Variants in SEC63 observed in about 807,000 individuals in gnomAD.
The protein encoded by SEC63 is translocation protein SEC63 homolog.
In SEC63, 56 loss-of-function variants were observed where a neutral mutation model predicts 116.2. The ratio of observed to expected loss-of-function variants is 0.48; its 90% CI spans 0.39 to 0.60. The LOEUF (loss-of-function observed/expected upper bound fraction) is 0.60, where lower values mean the gene tolerates loss of function less well. Among genes scored for constraint, SEC63 ranks in the 20% least tolerant of loss-of-function variants. The pLI is 0.00. For synonymous variants in SEC63, 273 were observed against 294.6 expected (o/e 0.93, Z 0.75); for missense variants, 668 against 900.0 (o/e 0.74, Z 3.30).
intron 1 of SEC63, among the ~76,000 whole-genome samples, chr6:107,953,077 T>C (rs934554949): frequency 6.6e-6 from 1 of 152,200 alleles, no homozygotes; most frequent in African/African-American, 2.4e-5. Context: ...CTGGCCAACA[T>C]GGTGAAACCC....
chr6:107,929,859 C>A (rs905585753), intron 1 of SEC63, among the ~76,000 whole-genome samples: 1 of 152,124 alleles, frequency 6.6e-6, no homozygotes, highest in Admixed American at 6.5e-5. Context: ...ATAGAAGGAA[C>A]AAGAAGTATA....
At chr6:107,880,577 GC>G (rs1235470686) in intron 18 of SEC63, among the ~76,000 whole-genome samples, 1 of 152,220 alleles carries the variant, frequency 6.6e-6, no homozygotes, top group Admixed American at 6.5e-5. Flanking sequence ...CCTGTCCTGA[GC>G]CCGGGGCTCA....
intron 16 of SEC63, among the ~76,000 whole-genome samples, chr6:107,885,913 G>C (rs1176067834): frequency 6.6e-6 from 1 of 151,926 alleles, no homozygotes. Flanking sequence ...GAACATGCAG[G>C]TTTGTTACAT....
intron 7 of SEC63, 169 bp from the exon 8 acceptor site, chr6:107,909,204 C>T (rs1322181116): frequency 1.1e-5 from 6 of 549,116 alleles, no homozygotes; most frequent in Non-Finnish European, 2.0e-5. Context: ...CCTGTCTCTA[C>T]AAAAGAAAAA....
intron 3 of SEC63, among the ~76,000 whole-genome samples, chr6:107,924,296 C>T (rs557708707): frequency 5.1e-4 from 68 of 132,062 alleles, no homozygotes; most frequent in Non-Finnish European, 7.6e-4. Flanking sequence ...AAATGTTAAC[C>T]GGCCGGGCGC....
At chr6:107,895,877 AAAT>A (rs1332962426) in intron 14 of SEC63, among the ~76,000 whole-genome samples, 5 of 148,354 alleles carry the variant, frequency 3.4e-5, no homozygotes, top group Non-Finnish European at 7.5e-5. Flanking sequence ...AAAAAAAAAA[AAAT>A]TAGGCCAGGC....
intron 1 of SEC63, among the ~76,000 whole-genome samples, chr6:107,944,057 C>A (rs555459875): frequency 6.6e-6 from 1 of 152,168 alleles, no homozygotes; most frequent in East Asian, 1.9e-4. Flanking sequence ...GAGAAATGGT[C>A]GGACACGATG....
intron 14 of SEC63, among the ~76,000 whole-genome samples, chr6:107,897,258 A>G (rs915277646): frequency 6.6e-6 from 1 of 152,196 alleles, no homozygotes. Context: ...CAGGAAAAAA[A>G]ATGTTATTTT....
intron 1 of SEC63, among the ~76,000 whole-genome samples, chr6:107,934,737 G>A (rs1461398637): frequency 7.4e-5 from 1 of 13,526 alleles, no homozygotes; most frequent in African/African-American, 4.8e-4. Context: ...TCAGCCCCCC[G>A]CCCGGCCAGC....
chr6:107,897,605 G>T (rs1554234172), intron 14 of SEC63, 44 bp downstream of exon 14: 1 of 1,272,158 alleles, frequency 7.9e-7, no homozygotes, highest in Non-Finnish European at 1.2e-6. Context: ...TAAAAGCCTT[G>T]ACACACAACT....
At chr6:107,951,540 T>C (rs183810307) in intron 1 of SEC63, among the ~76,000 whole-genome samples, 40 of 152,186 alleles carry the variant, frequency 2.6e-4, no homozygotes, top group African/African-American at 9.4e-4. Flanking sequence ...CAAAAGACCA[T>C]TACTAAGGAA....
At chr6:107,883,823 A>G (rs910252273) in intron 16 of SEC63, among the ~76,000 whole-genome samples, 5 of 151,792 alleles carry the variant, frequency 3.3e-5, no homozygotes, top group Admixed American at 2.6e-4. Context: ...AAAAAGAAAT[A>G]AAGAAAAGTA....
At chr6:107,904,111 C>CT (rs1241752755) in intron 11 of SEC63, among the ~76,000 whole-genome samples, 1 of 80,212 alleles carries the variant, frequency 1.2e-5, no homozygotes, top group Non-Finnish European at 2.3e-5. Flanking sequence ...GAGTGAGACT[C>CT]TGTCTCCAAA....
Position 107,958,107 on chromosome 6 carries a change from A to C in SEC63, c.-98T>G, listed in dbSNP as rs1381163560. The C allele has an allele frequency of 2.6e-6, 4 of 1,560,204 alleles. No homozygotes were observed. Among genetic ancestry groups the C allele is most frequent in the East Asian group, 4.6e-5 (2 of 43,500 alleles). On this transcript the variant is annotated 5_prime_UTR_variant, in exon 1 of 21. Coordinates refer to ENST00000369002, the MANE Select transcript of SEC63 (RefSeq NM_007214.5). ...CCCCGGCCCGAGTGGCGTAGCTTGG[A>C]CACTGCCGCCGCCGCCTCTCCTCCC...
At chr6:107,953,433 G>A (rs1489956827) in intron 1 of SEC63, among the ~76,000 whole-genome samples, 6 of 151,112 alleles carry the variant, frequency 4.0e-5, no homozygotes, top group African/African-American at 7.3e-5. Flanking sequence ...CGCCCCGTCC[G>A]GGAGGTGAGG....
At chr6:107,927,992 C>A (rs1232673181) in intron 2 of SEC63, among the ~76,000 whole-genome samples, 1 of 152,098 alleles carries the variant, frequency 6.6e-6, no homozygotes, top group African/African-American at 2.4e-5. Flanking sequence ...CACTTGGAAC[C>A]CGCAGATATG....
chr6:107,954,348 C>A (rs1329605435), intron 1 of SEC63, among the ~76,000 whole-genome samples: 2 of 151,810 alleles, frequency 1.3e-5, no homozygotes, highest in Non-Finnish European at 2.9e-5. Context: ...GCAGGGTCCT[C>A]TGCCTAGGAA....
At chr6:107,947,378 C>A (rs576185200) in intron 1 of SEC63, among the ~76,000 whole-genome samples, 2 of 152,072 alleles carry the variant, frequency 1.3e-5, no homozygotes, top group Non-Finnish European at 2.9e-5. Flanking sequence ...AAAAACCAAA[C>A]CACTCAACAG....
intron 16 of SEC63, among the ~76,000 whole-genome samples, chr6:107,890,582 C>T (rs777452298): frequency 2.0e-4 from 31 of 152,098 alleles, no homozygotes; most frequent in Admixed American, 2.0e-4. Flanking sequence ...AAGGTTAATA[C>T]TGTTATGTGT....
Sources: gnomAD v4.1 joint callset for allele counts (sites outside exome capture counted in the v4.1 genomes callset) on GRCh38, gnomAD v4.1.1 for gene constraint, MANE v1.5 for transcripts, NCBI Gene and HGNC (gene_info 2026-07-23, HGNC 2026-07-21) for gene names.